POM121C: variants seen among roughly 807,000 people sequenced by gnomAD.
POM121C encodes nuclear envelope pore membrane protein POM 121C.
Under a neutral mutation model 66.4 loss-of-function variants are expected in POM121C, and 20 were observed. The observed-to-expected ratio is 0.30, with a 90% CI of 0.21 to 0.44. The LOEUF is 0.44. POM121C is among the 20% of genes least tolerant of loss of function. The pLI is 1.00. For synonymous variants in POM121C, 286 were observed against 528.0 expected (o/e 0.54, Z 6.28); for missense variants, 580 against 1,225.7 (o/e 0.47, Z 7.87).
At chr7:75,463,230 T>A (rs1423199374) in intron 3 of POM121C, among the ~76,000 whole-genome samples, 2 of 152,034 alleles carry the variant, frequency 1.3e-5, no homozygotes, top group Non-Finnish European at 2.9e-5. Flanking sequence ...CTGTAATCCC[T>A]GCTACTCAGG....
At chr7:75,429,642 CA>C (rs1790091717) in intron 7 of POM121C, among the ~76,000 whole-genome samples, 1 of 149,166 alleles carries the variant, frequency 6.7e-6, no homozygotes, top group Non-Finnish European at 1.5e-5. Context: ...CAAAACAAAA[CA>C]AAAACCAGAT....
chr7:75,474,309 G>A (rs1254647872), intron 3 of POM121C, among the ~76,000 whole-genome samples: 2 of 152,072 alleles, frequency 1.3e-5, no homozygotes, highest in South Asian at 2.1e-4. Flanking sequence ...AAGGAGAATC[G>A]CTTGAACCTG....
In POM121C at chr7:75,424,172, T is replaced by C. The variant is rs782406654; in HGVS notation, c.925A>G (p.Thr309Ala). 6.2e-7 allele frequency: 1 copy of C among 1,611,776 alleles called. No individual in the cohort carries two copies. Among genetic ancestry groups the C allele is most frequent in the African/African-American group, 1.3e-5 (1 of 74,884 alleles). The change falls in exon 12 of 15, where the codon ACC (threonine) becomes GCC (alanine). Residue 309 changes from threonine to alanine, a missense_variant. Transcript: ENST00000615331. ...GTTGCAGCAGCAGGCAGGGTAAAGGTAAATGAAGGCTGAGTGGTAGGTGGG... is the reference window on the plus strand; with the variant it reads ...GTTGCAGCAGCAGGCAGGGTAAAGGCAAATGAAGGCTGAGTGGTAGGTGGG... ...ETPPTTQPSF[T>A]FTLPAAATAS...
rs186328613 is a variant in POM121C at position 75,485,924 on chromosome 7, C to G, written c.-518G>C. On this transcript the variant is annotated 5_prime_UTR_variant, in exon 1 of 15. Coordinates refer to ENST00000615331, the MANE Select transcript of POM121C (RefSeq NM_001099415.3). Reference sequence around the variant, plus strand: ...CCGAGAGGCCGGGGCGGGCTGCTGTCGCTGGCGCGCGCGTCTGCTCGCGAG... The same window carrying G: ...CCGAGAGGCCGGGGCGGGCTGCTGTGGCTGGCGCGCGCGTCTGCTCGCGAG... 8.1e-6 allele frequency: 4 copies of G among 496,650 alleles called. No homozygotes were observed. Among genetic ancestry groups the G allele is most frequent in the Non-Finnish European group, 1.6e-5 (4 of 251,280 alleles). 30.8% of individuals were successfully genotyped at this position (496,650 alleles called of 1,614,324 possible).
At chr7:75,455,774 T>A (rs1289968082) in intron 3 of POM121C, among the ~76,000 whole-genome samples, 3 of 152,200 alleles carry the variant, frequency 2.0e-5, no homozygotes, top group Non-Finnish European at 4.4e-5. Context: ...CTATTTTCAT[T>A]GCATTCCTAT....
intron 1 of POM121C, among the ~76,000 whole-genome samples, chr7:75,480,949 C>G (rs1554480016): frequency 6.6e-6 from 1 of 150,906 alleles, no homozygotes; most frequent in East Asian, 1.9e-4. Flanking sequence ...ATATAATATT[C>G]TTGATTTTAT....
rs1328694720 is a variant in POM121C, at chr7:75,423,268, T to A, written c.1049-65A>T. On this transcript the variant is annotated intron_variant, in intron 12 of 14. Transcript: ENST00000615331. ...TTCAAAGATGATGGTATTCAGTATT[T>A]CAGCGTCCTCCCCACGCCTACCACA... 5.1e-6 allele frequency: 8 copies of A among 1,573,460 alleles called. No individual in the cohort carries two copies. In the East Asian group the frequency reaches 1.8e-4, roughly 35 times the overall value.
At chr7:75,470,888 C>A (rs1205645514) in intron 3 of POM121C, among the ~76,000 whole-genome samples, 1 of 152,150 alleles carries the variant, frequency 6.6e-6, no homozygotes, top group Non-Finnish European at 1.5e-5. Context: ...CCCACCTCGA[C>A]CACTCAAAGT....
In POM121C at chr7:75,441,564, C is replaced by A; in HGVS notation, c.-68G>T. 1 of 1,611,990 alleles carries A rather than the reference C, an allele frequency of 6.2e-7. No individual in the cohort carries two copies. Among genetic ancestry groups the A allele is most frequent in the East Asian group, 2.2e-5 (1 of 44,832 alleles). On this transcript the variant is annotated 5_prime_UTR_variant, in exon 4 of 15. Coordinates refer to ENST00000615331, the MANE Select transcript of POM121C (RefSeq NM_001099415.3). ...ATTCCAGCACACTGTGGGAAGTACC[C>A]CCGGACAGGAATACTGGGTCTGATG... is the stretch of plus-strand genomic sequence containing the variant.
At chr7:75,452,884 G>GA (rs1554475795) in intron 3 of POM121C, among the ~76,000 whole-genome samples, 1 of 152,178 alleles carries the variant, frequency 6.6e-6, no homozygotes, top group African/African-American at 2.4e-5. Flanking sequence ...AAGTGTGGCA[G>GA]AAACAGTCAG....
chr7:75,484,489 C>T (rs1442586401), intron 1 of POM121C, among the ~76,000 whole-genome samples: 1 of 151,966 alleles, frequency 6.6e-6, no homozygotes, highest in Non-Finnish European at 1.5e-5. Context: ...CATGGCAAAA[C>T]CCCGTCTCTA....
In POM121C at chr7:75,442,594, G is replaced by T. The variant is rs782807281; in HGVS notation, c.-151-947C>A. ...CAGGCACGAGGTACAGTAGGAGGCC[G>T]ACCAGCGACAGGCCGAGAAGCGCCG... On this transcript the variant is annotated intron_variant, in intron 3 of 14. Coordinates refer to ENST00000615331, the MANE Select transcript of POM121C (RefSeq NM_001099415.3). The T allele has an allele frequency of 3.1e-4, 455 of 1,491,508 alleles. 1 individual carries two copies. In the African/African-American group the frequency reaches 6.1e-3, roughly 20 times the overall value. 92.4% of individuals were successfully genotyped at this position (1,491,508 alleles called of 1,614,324 possible). A position where few individuals can be genotyped will look rare whatever the true frequency, so the allele number is the denominator to read the frequency against.
chr7:75,456,529 GGAA>G (rs1331297604), intron 3 of POM121C, among the ~76,000 whole-genome samples: 2 of 152,182 alleles, frequency 1.3e-5, no homozygotes, highest in African/African-American at 4.8e-5. Flanking sequence ...GACGAAATGA[GGAA>G]GAAGATCTGG....
intron 3 of POM121C, among the ~76,000 whole-genome samples, chr7:75,472,107 C>T (rs1343157572): frequency 3.2e-4 from 48 of 151,824 alleles, no homozygotes; most frequent in Non-Finnish European, 3.4e-4. Flanking sequence ...AGGATGGTCT[C>T]GATCTCCTGA....
intron 13 of POM121C, 168 bp from the exon 14 acceptor site, chr7:75,419,610 T>A (rs1789612527): frequency 1.3e-6 from 1 of 763,080 alleles, no homozygotes; most frequent in South Asian, 2.0e-5. Context: ...CGAGTCTTCA[T>A]GCCTGGTGCC....
rs1362965067 is a variant in POM121C, at chr7:75,425,711, G to A, written c.573-3C>T. 6.8e-6 allele frequency: 11 copies of A among 1,610,560 alleles called. No homozygotes were observed. The highest frequency in any genetic ancestry group is 9.3e-6 in the Non-Finnish European group (11 of 1,178,594). On this transcript the variant is annotated splice_polypyrimidine_tract_variant and splice_region_variant and intron_variant, in intron 8 of 14. Coordinates refer to ENST00000615331, the MANE Select transcript of POM121C (RefSeq NM_001099415.3). The stretch of plus-strand genomic sequence containing the variant: ...AATGATGACACAGCTCTTCTTCTCT[G>A]TTGGGAAAAAAGGAACAATTTAGTC...
chr7:75,479,561 G>A (rs185542000), intron 1 of POM121C, among the ~76,000 whole-genome samples: 1,997 of 145,138 alleles, frequency 0.014, 129 homozygotes, highest in African/African-American at 0.047. Context: ...GGTTGCAGTG[G>A]GCCAAGATAG....
At chr7:75,471,200 A>G (rs1791862406) in intron 3 of POM121C, among the ~76,000 whole-genome samples, 1 of 152,048 alleles carries the variant, frequency 6.6e-6, no homozygotes, top group African/African-American at 2.4e-5. Context: ...TGAGCAGGTA[A>G]ATGATAGATT....
At chr7:75,473,670 TTTTG>T (rs1476952860) in intron 3 of POM121C, among the ~76,000 whole-genome samples, 12 of 152,100 alleles carry the variant, frequency 7.9e-5, no homozygotes, top group South Asian at 4.1e-4. Flanking sequence ...CAAGGTTTTT[TTTTG>T]TTTGTTTGTT....
Sources: allele counts gnomAD v4.1 joint callset (sites outside exome capture counted in the v4.1 genomes callset), GRCh38; gene constraint gnomAD v4.1.1; transcripts MANE v1.5; gene names NCBI Gene and HGNC (gene_info 2026-07-23, HGNC 2026-07-21).